The following MYO1D variants were observed in gnomAD, a reference collection of about 807,000 sequenced individuals.
MYO1D encodes unconventional myosin-Id.
MYO1D carries 83 observed loss-of-function variants against 122.0 expected under a neutral mutation model. The observed-to-expected ratio is 0.68, with a 90% confidence interval of 0.57 to 0.82. The LOEUF (loss-of-function observed/expected upper bound fraction) is 0.82. Among genes scored for constraint, MYO1D ranks in the 40% least tolerant of loss-of-function variants. MYO1D has a pLI of 0.00. For synonymous variants in MYO1D, 464 were observed against 446.9 expected (o/e 1.04, Z -0.48); for missense variants, 1,157 against 1,269.5 (o/e 0.91, Z 1.35).
At position 32,534,135 on chromosome 17, in the gene MYO1D, A is replaced by G. The variant is rs185676720; in HGVS notation, c.2865-39220T>C. On this transcript the variant is annotated intron_variant, in intron 21 of 21. Transcript: ENST00000318217. The stretch of plus-strand genomic sequence containing the variant: ...AAAGTTTTCCAACATTTCCCCATCC[A>G]TATGCAATAATTACTTTTATTACAT... 7.9e-5 allele frequency among the ~76,000 whole-genome samples: 12 copies of G among 152,248 alleles called. No homozygotes were observed. In the East Asian group the frequency reaches 2.3e-3, roughly 29 times the overall value.
chr17:32,675,836 T>C (rs895176260), intron 16 of MYO1D, among the ~76,000 whole-genome samples: 5 of 152,190 alleles, frequency 3.3e-5, no homozygotes, highest in Non-Finnish European at 7.4e-5. Context: ...TTTTATGTAG[T>C]CAAATGTACT....
intron 21 of MYO1D, among the ~76,000 whole-genome samples, chr17:32,504,120 G>A (rs888078290): frequency 1.3e-5 from 2 of 152,172 alleles, no homozygotes; most frequent in South Asian, 2.1e-4. Flanking sequence ...TGAACCAACT[G>A]GGTCATATCT....
In MYO1D at chr17:32,721,122, C is replaced by T. The variant is rs758445296; in HGVS notation, c.1814G>A (p.Arg605His). 6.8e-6 allele frequency: 11 copies of T among 1,613,962 alleles called. No homozygotes were observed. The highest frequency in any genetic ancestry group is 1.7e-5 in the Admixed American group (1 of 60,002). The change falls in exon 15 of 22, where the codon CGC becomes CAC. Residue 605 changes from arginine to histidine, a missense_variant. Coordinates refer to ENST00000318217, the MANE Select transcript of MYO1D (RefSeq NM_015194.3). ...AAGATATTCTACTTGGTGCCGGCAG[C>T]GTTCATCATCAAATATCTGTGGAGA... ...KKSPQIFDDE[R>H]CRHQVEYLGL...
At chr17:32,825,945 A>T (rs2151061529) in intron 1 of MYO1D, among the ~76,000 whole-genome samples, 1 of 149,350 alleles carries the variant, frequency 6.7e-6, no homozygotes, top group East Asian at 2.1e-4. Context: ...AGTTACTGGG[A>T]GGCTGAGGCA....
intron 1 of MYO1D, among the ~76,000 whole-genome samples, chr17:32,808,090 A>G (rs1320448357): frequency 6.6e-6 from 1 of 152,166 alleles, no homozygotes; most frequent in Non-Finnish European, 1.5e-5. Context: ...AATTTCTTCA[A>G]GTGAGAACTG....
chr17:32,791,836 AATACAC>A (rs1454319553), intron 1 of MYO1D, among the ~76,000 whole-genome samples: 1 of 152,196 alleles, frequency 6.6e-6, no homozygotes, highest in Non-Finnish European at 1.5e-5. Context: ...GATGTAAATG[AATACAC>A]AGTGAAAAGT....
chr17:32,519,484 G>GGGCGGA (rs1361335501), intron 21 of MYO1D: 1 of 152,404 alleles, frequency 6.6e-6, no homozygotes, highest in Non-Finnish European at 1.5e-5. Flanking sequence ...GCGGCGGCGG[G>GGGCGGA]GGCGGAGGCT....
Position 32,775,899 on chromosome 17 carries a change from T to C in MYO1D, c.529A>G (p.Ile177Val), listed in dbSNP as rs777373599. 1.2e-6 allele frequency: 2 copies of C among 1,613,334 alleles called. No individual in the cohort carries two copies. Among genetic ancestry groups the C allele is most frequent in the East Asian group, 2.2e-5 (1 of 44,816 alleles). ...DINFDFKGDP[I>V]GGHINNYLLE... is the part of the protein sequence containing the mutation. ...AAGTAGTTATTGATATGCCCACCAATAGGGTCACCCTTGAAGTCAAAGTTG... is the reference window on the plus strand; with the variant it reads ...AAGTAGTTATTGATATGCCCACCAACAGGGTCACCCTTGAAGTCAAAGTTG... The change falls in exon 4 of 22, where the codon ATT becomes GTT. Residue 177 changes from isoleucine (I) to valine (V), a missense_variant. Physicochemically the swap from Ile to Val is conservative, Grantham distance 29. Coordinates refer to ENST00000318217, the MANE Select transcript of MYO1D (RefSeq NM_015194.3).
rs1470253918 is a variant in MYO1D at position 32,641,306 on chromosome 17, G to A, written c.2596-2471C>T. ...CTGCATAGTATTCCATGGTGTATAT[G>A]TGCCACATTTTCTTAATCCAGTCTA... On this transcript the variant is annotated intron_variant, in intron 19 of 21. Transcript: ENST00000318217. 2.0e-5 allele frequency among the ~76,000 whole-genome samples: 3 copies of A among 151,736 alleles called. No homozygotes were observed. The East Asian group carries it at 5.8e-4, about 29-fold the overall frequency.
intron 1 of MYO1D, among the ~76,000 whole-genome samples, chr17:32,829,112 A>G (rs1490065291): frequency 1.3e-5 from 2 of 152,350 alleles, no homozygotes; most frequent in East Asian, 1.9e-4. Context: ...ACTACAAAAC[A>G]TTTGCTTTTA....
intron 16 of MYO1D, among the ~76,000 whole-genome samples, chr17:32,704,132 A>G (rs949299468): frequency 1.8e-4 from 27 of 152,204 alleles, no homozygotes; most frequent in Admixed American, 9.8e-4. Context: ...TAGTTTCTTC[A>G]GTGCCTTCTA....
In MYO1D at chr17:32,654,085, A is replaced by G; in HGVS notation, c.2491-138T>C. 3 of 653,846 alleles carry G rather than the reference A, an allele frequency of 4.6e-6. No individual in the cohort carries two copies. In the South Asian group the frequency reaches 6.7e-5, roughly 15 times the overall value. 40.5% of individuals were successfully genotyped at this position (653,846 alleles called of 1,614,324 possible). ...CTTTATCTCCTCACCCCAGATGGTA[A>G]GCTACTAAATGGTTGTTGTAACATC... On this transcript the variant is annotated intron_variant, in intron 18 of 21. Transcript: ENST00000318217.
chr17:32,674,870 T>A (rs2088783126), intron 16 of MYO1D, among the ~76,000 whole-genome samples: 1 of 152,202 alleles, frequency 6.6e-6, no homozygotes, highest in Non-Finnish European at 1.5e-5. Context: ...AGATGCTTCC[T>A]CAAAGGGGAT....
chr17:32,647,742 C>CTT (rs2088317297), intron 19 of MYO1D, among the ~76,000 whole-genome samples: 1 of 129,734 alleles, frequency 7.7e-6, no homozygotes, highest in East Asian at 2.2e-4. Context: ...AAAGTCTTTT[C>CTT]TTGATAGTCT....
chr17:32,865,537 T>C (rs2091116358), intron 1 of MYO1D, among the ~76,000 whole-genome samples: 2 of 152,246 alleles, frequency 1.3e-5, no homozygotes, highest in Non-Finnish European at 2.9e-5. Context: ...TGTTTATCCA[T>C]CTATTCCAGG....
At chr17:32,580,763 T>C (rs1317335376) in intron 21 of MYO1D, among the ~76,000 whole-genome samples, 1 of 152,212 alleles carries the variant, frequency 6.6e-6, no homozygotes, top group Non-Finnish European at 1.5e-5. Flanking sequence ...CTTGCATGCC[T>C]GGGATAAATC....
intron 20 of MYO1D, among the ~76,000 whole-genome samples, chr17:32,609,055 C>T (rs2087666568): frequency 6.6e-6 from 1 of 152,168 alleles, no homozygotes; most frequent in African/African-American, 2.4e-5. Context: ...TACTCTGTAT[C>T]CTGACTGTGG....
chr17:32,863,369 T>C (rs1050591102), intron 1 of MYO1D, among the ~76,000 whole-genome samples: 19 of 152,228 alleles, frequency 1.2e-4, no homozygotes, highest in African/African-American at 4.3e-4. Context: ...CTTAAAACTC[T>C]TGCCCTACGA....
intron 1 of MYO1D, among the ~76,000 whole-genome samples, chr17:32,793,272 G>A (rs1293014138): frequency 6.6e-6 from 1 of 150,696 alleles, no homozygotes; most frequent in Non-Finnish European, 1.5e-5. Flanking sequence ...ACAATGCTAT[G>A]CAGTAAGCAC....
Sources: gnomAD v4.1 joint callset for allele counts (sites outside exome capture counted in the v4.1 genomes callset) on GRCh38, gnomAD v4.1.1 for gene constraint, MANE v1.5 for transcripts, NCBI Gene and HGNC (gene_info 2026-07-23, HGNC 2026-07-21) for gene names.